Variants in IQCE observed in about 807,000 individuals in gnomAD.
The protein encoded by IQCE is IQ domain-containing protein E.
IQCE carries 115 observed loss-of-function variants against 96.0 expected under a neutral mutation model. The observed-to-expected ratio is 1.20, with a 90% confidence interval of 1.03 to 1.40. The LOEUF is 1.40. Among genes scored for constraint, IQCE ranks in the 40% most tolerant of loss-of-function variants. The pLI, the probability that IQCE is intolerant of heterozygous loss-of-function variation, is 0.00. For synonymous variants in IQCE, 412 were observed against 371.2 expected (o/e 1.11, Z -1.26); for missense variants, 1,041 against 909.1 (o/e 1.15, Z -1.87).
chr7:2,601,305 C>T, intron 17 of IQCE, 136 bp from the exon 18 acceptor site: 1 of 674,562 alleles, frequency 1.5e-6, no homozygotes, highest in East Asian at 2.7e-5. Context: ...GTCCCGGCAG[C>T]TCGGGAGGGA....
chr7:2,567,150 C>T lies in IQCE; in HGVS notation c.71C>T (p.Ser24Phe), dbSNP rs779779283. 1.2e-6 allele frequency: 2 copies of T among 1,613,890 alleles called. No homozygotes were observed. The highest frequency in any genetic ancestry group is 3.3e-5 in the Admixed American group (2 of 60,030). The change falls in exon 2 of 22, where the codon TCT becomes TTT. Residue 24 changes from serine (S) to phenylalanine (F), a missense_variant. Physicochemically the swap from Ser to Phe is radical, Grantham distance 155. Transcript: ENST00000402050. Reference sequence around the variant, plus strand: ...AGTCTGTCTGCAGTCACCTTTGACTCTGATGTGGAGACGGTGAGTGCCGCT... The same window carrying T: ...AGTCTGTCTGCAGTCACCTTTGACTTTGATGTGGAGACGGTGAGTGCCGCT... The part of the protein sequence containing the change: ...DDSLSAVTFD[S>F]DVETKAKRKA...
chr7:2,578,648 C>T (rs1214603922), intron 8 of IQCE, 122 bp downstream of exon 8: 10 of 1,081,442 alleles, frequency 9.2e-6, no homozygotes, highest in African/African-American at 1.5e-5. Context: ...GGGGAGGCTG[C>T]GGACCCCCAA....
chr7:2,599,358 G>A (rs1234037569), intron 17 of IQCE, among the ~76,000 whole-genome samples: 1 of 152,042 alleles, frequency 6.6e-6, no homozygotes, highest in Non-Finnish European at 1.5e-5. Flanking sequence ...ACCACGCCCA[G>A]CTAATTTTTG....
At chr7:2,606,597 C>G (rs1258099962) in intron 20 of IQCE, among the ~76,000 whole-genome samples, 2 of 152,188 alleles carry the variant, frequency 1.3e-5, no homozygotes, top group Admixed American at 1.3e-4. Context: ...ACAGACTGCT[C>G]TGGTTCTCAG....
chr7:2,587,099 T>C (rs1233082018), intron 12 of IQCE, among the ~76,000 whole-genome samples: 1 of 152,088 alleles, frequency 6.6e-6, no homozygotes, highest in South Asian at 2.1e-4. Context: ...AGCTGGAGCT[T>C]AGGGAAACTG....
intron 6 of IQCE, among the ~76,000 whole-genome samples, chr7:2,575,858 G>A (rs951616392): frequency 4.6e-5 from 7 of 152,080 alleles, no homozygotes; most frequent in Admixed American, 2.6e-4. Flanking sequence ...CCCGGCTCCC[G>A]GCCCATCCGC....
rs1248701424 is a variant in IQCE, at chr7:2,604,800, TCTC to T, written c.1633-77_1633-75del. The T allele has an allele frequency of 5.3e-6, 5 of 937,056 alleles. No individual in the cohort carries two copies. The Admixed American group carries it at 5.9e-5, about 11-fold the overall frequency. The allele number at this position is 937,056 out of a possible 1,614,324, so 58.0% of individuals were successfully genotyped here. A position where few individuals can be genotyped will look rare whatever the true frequency, so the allele number is the denominator to read the frequency against. On this transcript the variant is annotated intron_variant, in intron 18 of 21. Coordinates refer to ENST00000402050, the MANE Select transcript of IQCE (RefSeq NM_152558.5). ...ACGTTCCCTGCTGCCGTGGCAGCTC[TCTC>T]CTCGGCGCCTCCCTCTCGCCCGCCG...
chr7:2,570,495 T>G (rs1211100903), intron 3 of IQCE, among the ~76,000 whole-genome samples: 1 of 152,006 alleles, frequency 6.6e-6, no homozygotes, highest in African/African-American at 2.4e-5. Context: ...TAAGTGAAGA[T>G]GCAGCAGGGT....
intron 1 of IQCE, 59 bp downstream of exon 1, chr7:2,559,276 C>G: frequency 9.3e-7 from 1 of 1,079,754 alleles, no homozygotes; most frequent in South Asian, 4.6e-5. Context: ...GGCTCGTCTC[C>G]GTCGCCCGCA....
At chr7:2,578,442 A>C (rs765728716) in intron 7 of IQCE, 34 bp from the exon 8 acceptor site, 2 of 1,614,080 alleles carry the variant, frequency 1.2e-6, no homozygotes, top group South Asian at 1.1e-5. Flanking sequence ...GCTACACCGA[A>C]GGCCGTCTTC....
chr7:2,563,210 G>C (rs1380758263), intron 1 of IQCE, among the ~76,000 whole-genome samples: 1 of 152,144 alleles, frequency 6.6e-6, no homozygotes, highest in Non-Finnish European at 1.5e-5. Flanking sequence ...ACAGGCATGA[G>C]CAGGTGCTCA....
intron 14 of IQCE, among the ~76,000 whole-genome samples, chr7:2,590,322 C>G (rs1050869697): frequency 2.0e-5 from 3 of 152,220 alleles, no homozygotes; most frequent in African/African-American, 7.2e-5. Flanking sequence ...GGAAGCAGCT[C>G]TCACTCCCTA....
intron 1 of IQCE, among the ~76,000 whole-genome samples, chr7:2,560,042 C>T (rs1168419279): frequency 2.0e-5 from 3 of 152,158 alleles, no homozygotes; most frequent in South Asian, 2.1e-4. Flanking sequence ...TGCCTGTAGT[C>T]CCAACTACTC....
At chr7:2,571,051 C>T (rs1375431084) in intron 3 of IQCE, among the ~76,000 whole-genome samples, 2 of 151,258 alleles carry the variant, frequency 1.3e-5, no homozygotes, top group Non-Finnish European at 3.0e-5. Flanking sequence ...TTAAGAAAAG[C>T]CTGTTACCCA....
rs984236514 is a variant in IQCE, at chr7:2,572,584, T to C, written c.394+258T>C. 16 of 621,342 alleles carry C rather than the reference T, an allele frequency of 2.6e-5. No individual in the cohort carries two copies. In the African/African-American group the frequency reaches 2.7e-4, roughly 11 times the overall value. 38.5% of individuals were successfully genotyped at this position (621,342 alleles called of 1,614,324 possible). On this transcript the variant is annotated intron_variant, in intron 5 of 21. Transcript: ENST00000402050. ...TCATCTGTACCTCCCTCCCTAAACATAGAGGCGTACTTAAATTTATTCATT... is the reference window on the plus strand; with the variant it reads ...TCATCTGTACCTCCCTCCCTAAACACAGAGGCGTACTTAAATTTATTCATT...
intron 14 of IQCE, among the ~76,000 whole-genome samples, chr7:2,591,945 G>A (rs1032881772): frequency 7.4e-6 from 1 of 134,844 alleles, no homozygotes; most frequent in South Asian, 2.8e-4. Flanking sequence ...CCAAAGTGCT[G>A]GGATTACAGG....
At chr7:2,607,082 C>T (rs778370726) in intron 20 of IQCE, 42 bp from the exon 21 acceptor site, 2 of 1,546,590 alleles carry the variant, frequency 1.3e-6, no homozygotes, top group South Asian at 2.5e-5. Flanking sequence ...GGTTTGTACT[C>T]TCTAAAAGCA....
At position 2,590,082 on chromosome 7, in the gene IQCE, T is replaced by C. The variant is rs1044023262; in HGVS notation, c.1220T>C (p.Leu407Pro). ...VRDLKEERTA[L>P]QEQLLQRDLE... is the part of the protein sequence containing the mutation. ...GACCTGAAGGAAGAGCGGACCGCGC[T>C]GCAGGAGCAGCTGCTGCAGAGAGAG... Residue 407 changes from leucine (L) to proline (P), a missense_variant, in exon 14 of 22, where the codon CTG becomes CCG. Leu to Pro is a moderately conservative substitution (Grantham distance 98). Coordinates refer to ENST00000402050, the MANE Select transcript of IQCE (RefSeq NM_152558.5). The C allele has an allele frequency of 6.2e-6, 10 of 1,612,598 alleles. No homozygotes were observed. The highest frequency in any genetic ancestry group is 1.3e-5 in the African/African-American group (1 of 74,842).
chr7:2,593,449 GC>G (rs1783772683), intron 15 of IQCE, among the ~76,000 whole-genome samples: 1 of 152,234 alleles, frequency 6.6e-6, no homozygotes, highest in Non-Finnish European at 1.5e-5. Context: ...AAGAGGGGCC[GC>G]CCGTGCCCTC....
Sources: gnomAD v4.1 joint callset for allele counts (sites outside exome capture counted in the v4.1 genomes callset) on GRCh38, gnomAD v4.1.1 for gene constraint, MANE v1.5 for transcripts, NCBI Gene and HGNC (gene_info 2026-07-23, HGNC 2026-07-21) for gene names.